The following CIDEB variants were observed in gnomAD, a reference collection of about 807,000 sequenced individuals.
CIDEB encodes cell death inducing DFFA like effector b.
Under a neutral mutation model 22.4 loss-of-function variants are expected in CIDEB, and 27 were observed. The ratio of observed to expected loss-of-function variants is 1.21; its 90% CI spans 0.89 to 1.66. The LOEUF is 1.66. CIDEB is among the 40% of genes most tolerant of loss of function. CIDEB has a pLI of 0.00. For missense variants in CIDEB, 289 were observed against 268.7 expected, an observed-to-expected ratio of 1.08 and a Z score of -0.53; for synonymous variants, 103 against 109.5, an observed-to-expected ratio of 0.94 and a Z score of 0.37.
At chr14:24,308,445 GGGTCCTGTCTGGGACACT>G (rs1289190181), upstream of CIDEB, 1 of 158,426 alleles carries the variant, frequency 6.3e-6, no homozygotes, top group African/African-American at 2.4e-5. Context: ...AGGATCATTA[GGGTCCTGTCTGGGACACT>G]GGCCTTCCTG....
At chr14:24,311,247 G>T (rs1251332115), upstream of CIDEB, 3 of 1,607,258 alleles carry the variant, frequency 1.9e-6, no homozygotes, top group Non-Finnish European at 2.5e-6. Flanking sequence ...GCTTCCTTTC[G>T]GGCTGATGCT....
upstream of CIDEB, chr14:24,310,483 A>T (rs1028820701): frequency 1.5e-5 from 11 of 726,044 alleles, no homozygotes; most frequent in African/African-American, 1.4e-4. Context: ...TCCAAGAAGG[A>T]GTTGTGTTTG....
At chr14:24,309,373 C>T (rs1038796449), upstream of CIDEB, 5 of 152,270 alleles carry the variant, frequency 3.3e-5, no homozygotes, top group African/African-American at 1.2e-4. Flanking sequence ...TAAGACAGTG[C>T]TCCTGGTGCC....
chr14:24,311,369 G>T, upstream of CIDEB: 2 of 1,604,100 alleles, frequency 1.2e-6, no homozygotes, highest in Admixed American at 1.7e-5. Context: ...CCTTCGGCTT[G>T]CTCTGGGCCC....
upstream of CIDEB, chr14:24,307,998 C>T (rs2041573313): frequency 3.9e-6 from 3 of 771,826 alleles, no homozygotes; most frequent in South Asian, 1.6e-5. Flanking sequence ...TGGACTCTGG[C>T]CCCCCTGCCT....
upstream of CIDEB, chr14:24,308,984 T>A (rs1489046586): frequency 6.6e-6 from 1 of 152,272 alleles, no homozygotes; most frequent in African/African-American, 2.4e-5. Context: ...ACCAAATACC[T>A]TGAACCCTCG....
chr14:24,307,299 T>A, intron 2 of CIDEB, 72 bp downstream of exon 2: 1 of 1,512,394 alleles, frequency 6.6e-7, no homozygotes, highest in Non-Finnish European at 9.0e-7. Context: ...TGCTCCATCA[T>A]CACAAGTTGC....
chr14:24,307,799 G>T lies in CIDEB; in HGVS notation c.41+19C>A. 1 of 1,588,118 alleles carries T rather than the reference G, an allele frequency of 6.3e-7. No homozygotes were observed. Among genetic ancestry groups the T allele is most frequent in the Non-Finnish European group, 8.6e-7 (1 of 1,166,212 alleles). ...ATATCCCCTAAAGGTGGAGGGTAGA[G>T]CGGAGGGTTAGCAGTCACCTGAGTA... On this transcript the variant is annotated intron_variant, in intron 1 of 4. Transcript: ENST00000554411.
Position 24,305,246 on chromosome 14 carries a change from T to G in CIDEB, c.*387A>C. 1.2e-6 allele frequency: 1 copy of G among 852,474 alleles called. No individual in the cohort carries two copies. The highest frequency in any genetic ancestry group is 1.7e-6 in the Non-Finnish European group (1 of 600,658). 52.8% of individuals were successfully genotyped at this position (852,474 alleles called of 1,614,324 possible). A position where few individuals can be genotyped will look rare whatever the true frequency, so the allele number is the denominator to read the frequency against. On this transcript the variant is annotated 3_prime_UTR_variant, in exon 5 of 5. Transcript: ENST00000554411. ...GTTTTTGTTAGTTTGAGGGGAAGGG[T>G]ATGAAGACAGATCTCAAGGTAAAGT...
chr14:24,305,878 G>A, intron 4 of CIDEB, 69 bp downstream of exon 4: 1 of 1,580,850 alleles, frequency 6.3e-7, no homozygotes, highest in Non-Finnish European at 8.6e-7. Context: ...GTAGGTGGGT[G>A]CAAGAGGACG....
Position 24,306,355 on chromosome 14 carries a change from C to T in CIDEB, c.336+19G>A. ...CTAAAGGACAGGCATTGGAAGCAGC[C>T]CCAGTATAGGCCTCTTACCCTTGTA... On this transcript the variant is annotated intron_variant, in intron 3 of 4. Transcript: ENST00000554411. 2 of 1,614,100 alleles carry T rather than the reference C, an allele frequency of 1.2e-6. No homozygotes were observed. The highest frequency in any genetic ancestry group is 1.7e-6 in the Non-Finnish European group (2 of 1,179,990).
upstream of CIDEB, chr14:24,310,722 C>G: frequency 1.2e-6 from 2 of 1,612,188 alleles, no homozygotes; most frequent in Non-Finnish European, 1.7e-6. Flanking sequence ...GAAGACTTCG[C>G]GGGCCACAGG....
chr14:24,306,861 A>G, intron 2 of CIDEB: 1 of 362,500 alleles, frequency 2.8e-6, no homozygotes. Flanking sequence ...CACTTCCCAC[A>G]CCCTCAAGAG....
upstream of CIDEB, chr14:24,310,260 G>A (rs2139166917): frequency 3.8e-6 from 2 of 528,078 alleles, no homozygotes; most frequent in African/African-American, 3.8e-5. Flanking sequence ...AGCTTGGTAA[G>A]TAGATCTGTG....
chr14:24,305,611 G>T lies in CIDEB; in HGVS notation c.*22C>A. Reference sequence around the variant, plus strand: ...GCAGTGGGTCGGTTGGAATGATTCTGGGGGCAGAAGCTCAGAGCCCCTTAG... The same window carrying T: ...GCAGTGGGTCGGTTGGAATGATTCTTGGGGCAGAAGCTCAGAGCCCCTTAG... On this transcript the variant is annotated 3_prime_UTR_variant, in exon 5 of 5. Transcript: ENST00000554411. 6.2e-7 allele frequency: 1 copy of T among 1,603,934 alleles called. No homozygotes were observed. Among genetic ancestry groups the T allele is most frequent in the Non-Finnish European group, 8.5e-7 (1 of 1,175,580 alleles).
Position 24,306,972 on chromosome 14 carries a change from A to G in CIDEB, c.186+399T>C, listed in dbSNP as rs192402158. On this transcript the variant is annotated intron_variant, in intron 2 of 4. Transcript: ENST00000554411. The stretch of plus-strand genomic sequence containing the variant: ...CTACATTATCCTCTTACTCCTTTCA[A>G]CAACCCTAGGAGGTGATGTATTATT... The G allele has an allele frequency of 6.0e-5, 15 of 248,916 alleles. No individual in the cohort carries two copies. In the East Asian group the frequency reaches 8.1e-4, roughly 13 times the overall value. 15.4% of individuals were successfully genotyped at this position (248,916 alleles called of 1,614,324 possible). A position where few individuals can be genotyped will look rare whatever the true frequency, so the allele number is the denominator to read the frequency against.
At chr14:24,307,316 T>C (rs947096641) in intron 2 of CIDEB, 55 bp downstream of exon 2, 63 of 1,561,010 alleles carry the variant, frequency 4.0e-5, no homozygotes, top group Non-Finnish European at 5.5e-5. Flanking sequence ...TTGCCACTGT[T>C]GTGGAGCCCC....
rs913330740 is a variant in CIDEB at position 24,306,008 on chromosome 14, A to G, written c.466T>C (p.Phe156Leu). Residue 156 changes from phenylalanine (F) to leucine (L), a missense_variant, in exon 4 of 5, where the codon TTC becomes CTC. Coordinates refer to ENST00000554411, the MANE Select transcript of CIDEB (RefSeq NM_001393339.1). ...CAACTCATAGAGTAGAGCCCGTAGA[A>G]TGTGGCTTTGACATTCAGGCTGCCA... ...LFGSLNVKAT[F>L]YGLYSMSCDF... 6.2e-7 allele frequency: 1 copy of G among 1,614,038 alleles called. No homozygotes were observed. Among genetic ancestry groups the G allele is most frequent in the African/African-American group, 1.3e-5 (1 of 74,916 alleles).
In CIDEB at chr14:24,307,814, T is replaced by C; in HGVS notation, c.41+4A>G. On this transcript the variant is annotated splice_donor_region_variant and intron_variant, in intron 1 of 4. Coordinates refer to ENST00000554411, the MANE Select transcript of CIDEB (RefSeq NM_001393339.1). ...GGAGGGTAGAGCGGAGGGTTAGCAG[T>C]CACCTGAGTAAGTCACTGGGGTTCA... is the stretch of plus-strand genomic sequence containing the variant. The C allele has an allele frequency of 6.3e-7, 1 of 1,593,724 alleles. No individual in the cohort carries two copies. The highest frequency in any genetic ancestry group is 8.5e-7 in the Non-Finnish European group (1 of 1,169,622).
Sources: allele counts gnomAD v4.1 joint callset, GRCh38; gene constraint gnomAD v4.1.1; transcripts MANE v1.5; gene names NCBI Gene and HGNC (gene_info 2026-07-23, HGNC 2026-07-21).